C19orf81: variants seen among roughly 807,000 people sequenced by gnomAD.
C19orf81 encodes the protein putative uncharacterized protein C19orf81.
In C19orf81, 19 loss-of-function variants were observed where a neutral mutation model predicts 22.1. The observed-to-expected ratio is 0.86, with a 90% confidence interval of 0.60 to 1.26. The LOEUF is 1.26. C19orf81 is among the 50% of genes most tolerant of loss of function. C19orf81 has a pLI of 0.00. For missense variants in C19orf81, 287 were observed against 280.7 expected (o/e 1.02, Z -0.16); for synonymous variants, 108 against 113.1 (o/e 0.95, Z 0.29).
chr19:50,657,461 G>A (rs999778649), intron 3 of C19orf81, among the ~76,000 whole-genome samples: 2 of 152,138 alleles, frequency 1.3e-5, no homozygotes, highest in African/African-American at 2.4e-5. Flanking sequence ...TGCTAATCAC[G>A]TGATGCAACT....
At chr19:50,650,683 A>G (rs931409003) in intron 1 of C19orf81, among the ~76,000 whole-genome samples, 3 of 151,924 alleles carry the variant, frequency 2.0e-5, no homozygotes, top group African/African-American at 7.3e-5. Context: ...AAAACAAAAC[A>G]AACAAACAAA....
rs1160423503 is a variant in C19orf81, at chr19:50,649,569, G to C, written c.67+58G>C. On this transcript the variant is annotated intron_variant, in intron 1 of 4. Coordinates refer to ENST00000425202, the MANE Select transcript of C19orf81 (RefSeq NM_001195076.2). ...ACTTCCTCCATCCAGGCAGTGCGTA[G>C]TAGCCCGGGCTCACAGTGTGGCCTT... 7.3e-6 allele frequency: 11 copies of C among 1,513,492 alleles called. No individual in the cohort carries two copies. In the African/African-American group the frequency reaches 1.2e-4, roughly 17 times the overall value. The allele number at this position is 1,513,492 out of a possible 1,614,324, so 93.8% of individuals were successfully genotyped here.
chr19:50,650,545 C>T (rs997629075), intron 1 of C19orf81, among the ~76,000 whole-genome samples: 43 of 152,150 alleles, frequency 2.8e-4, no homozygotes, highest in African/African-American at 7.7e-4. Flanking sequence ...GTGCCGGGTG[C>T]CTGTAATCCC....
rs1487633276 is a variant in C19orf81, at chr19:50,656,134, C to G, written c.140+12C>G. ...CCCATCAAATCCTCGTGAGTTGTCC[C>G]TGGCCCCCATGACCTCTATCTTCCG... On this transcript the variant is annotated intron_variant, in intron 2 of 4. Coordinates refer to ENST00000425202, the MANE Select transcript of C19orf81 (RefSeq NM_001195076.2). 6.5e-7 allele frequency: 1 copy of G among 1,536,168 alleles called. No individual in the cohort carries two copies. Among genetic ancestry groups the G allele is most frequent in the South Asian group, 1.2e-5 (1 of 84,066 alleles).
chr19:50,656,942 ACT>A (rs530593979), intron 3 of C19orf81, among the ~76,000 whole-genome samples: 2 of 140,418 alleles, frequency 1.4e-5, no homozygotes, highest in African/African-American at 2.8e-5. Context: ...ACAAAGTGAG[ACT>A]CTGTCAAAAA....
At chr19:50,658,409 G>A in intron 4 of C19orf81, 1 of 416,696 alleles carries the variant, frequency 2.4e-6, no homozygotes, top group South Asian at 3.3e-5. Context: ...GGAGGGACTA[G>A]ATAAGAGCGA....
At chr19:50,651,708 GAA>G (rs951750864) in intron 1 of C19orf81, among the ~76,000 whole-genome samples, 1 of 131,498 alleles carries the variant, frequency 7.6e-6, no homozygotes, top group Admixed American at 7.7e-5. Flanking sequence ...GTCACCAAAG[GAA>G]AAAAAAAAAA....
chr19:50,650,804 C>T (rs185536120), intron 1 of C19orf81, among the ~76,000 whole-genome samples: 118 of 152,348 alleles, frequency 7.7e-4, no homozygotes, highest in African/African-American at 2.5e-3. Context: ...GCAAAACAGG[C>T]GTTGTTTCTC....
intron 3 of C19orf81, 132 bp downstream of exon 3, chr19:50,656,478 C>T: frequency 7.9e-7 from 1 of 1,268,216 alleles, no homozygotes; most frequent in Non-Finnish European, 1.1e-6. Context: ...GCCACCAGGA[C>T]AGTTTGCTGA....
intron 1 of C19orf81, chr19:50,649,719 C>T: frequency 1.5e-6 from 1 of 682,804 alleles, no homozygotes; most frequent in Admixed American, 2.0e-5. Context: ...GTTCCTTGGC[C>T]AATGCCCTGG....
In C19orf81 at chr19:50,653,282, G is replaced by C. The variant is rs111961447; in HGVS notation, c.68-2768G>C. 7.9e-3 allele frequency among the ~76,000 whole-genome samples: 1,199 copies of C among 152,180 alleles called. 14 individuals are homozygous for C. The highest frequency in any genetic ancestry group is 0.027 in the African/African-American group (1,139 of 41,502). ...TCGAACTCCTGAGCTCAGTCAATCT[G>C]CCCACTTTGGCATCCCAAAGTGCTG... On this transcript the variant is annotated intron_variant, in intron 1 of 4. Coordinates refer to ENST00000425202, the MANE Select transcript of C19orf81 (RefSeq NM_001195076.2).
intron 4 of C19orf81, chr19:50,658,745 C>T (rs549919545): frequency 4.5e-6 from 2 of 439,924 alleles, no homozygotes; most frequent in African/African-American, 4.1e-5. Context: ...GATTAGGACG[C>T]AGAACCAGGC....
chr19:50,656,278 C>A lies in C19orf81; in HGVS notation c.193C>A (p.Leu65Ile), dbSNP rs991076028. 1 of 1,536,192 alleles carries A rather than the reference C, an allele frequency of 6.5e-7. No individual in the cohort carries two copies. Among genetic ancestry groups the A allele is most frequent in the South Asian group, 1.2e-5 (1 of 84,062 alleles). Residue 65 changes from leucine to isoleucine, a missense_variant, in exon 3 of 5, where the codon CTC (leucine) becomes ATC (isoleucine). Transcript: ENST00000425202. The stretch of plus-strand genomic sequence containing the variant: ...AGAGTACGAGGCACTGGACCGAGAA[C>A]TCCCGTGCATCCGGAAGTTCCCCAC... ...IAEYEALDRE[L>I]PCIRKFPTPP...
At chr19:50,652,439 C>A (rs931456951) in intron 1 of C19orf81, among the ~76,000 whole-genome samples, 5 of 152,088 alleles carry the variant, frequency 3.3e-5, no homozygotes, top group African/African-American at 1.2e-4. Flanking sequence ...ACTATGAGTA[C>A]AAACATACTG....
At chr19:50,653,016 A>G (rs1025337234) in intron 1 of C19orf81, among the ~76,000 whole-genome samples, 8 of 152,142 alleles carry the variant, frequency 5.3e-5, no homozygotes, top group Non-Finnish European at 1.0e-4. Context: ...TGAGGATGCA[A>G]TGGAAAGTAT....
At chr19:50,650,638 T>C (rs1247862935) in intron 1 of C19orf81, among the ~76,000 whole-genome samples, 1 of 152,180 alleles carries the variant, frequency 6.6e-6, no homozygotes, top group Non-Finnish European at 1.5e-5. Context: ...GCCACTGCAC[T>C]CCAGCCTGGG....
Position 50,653,776 on chromosome 19 carries a change from T to C in C19orf81, c.68-2274T>C, listed in dbSNP as rs114234609. 3.7e-3 allele frequency among the ~76,000 whole-genome samples: 547 copies of C among 149,504 alleles called. 9 individuals carry two copies. The highest frequency in any genetic ancestry group is 0.013 in the African/African-American group (515 of 40,654). On this transcript the variant is annotated intron_variant, in intron 1 of 4. Coordinates refer to ENST00000425202, the MANE Select transcript of C19orf81 (RefSeq NM_001195076.2). Reference sequence around the variant, plus strand: ...GTAGAAGGGTGTTAGCAAGGACTTATTGTTAGAGCCGGGCTGTGTCAGGTG... The same window carrying C: ...GTAGAAGGGTGTTAGCAAGGACTTACTGTTAGAGCCGGGCTGTGTCAGGTG...
chr19:50,655,011 T>TC (rs1984962658), intron 1 of C19orf81, among the ~76,000 whole-genome samples: 2 of 152,070 alleles, frequency 1.3e-5, no homozygotes, highest in African/African-American at 4.8e-5. Context: ...CACATTCCAG[T>TC]CCAAGAGAAA....
chr19:50,653,168 C>T (rs1984914463), intron 1 of C19orf81, among the ~76,000 whole-genome samples: 1 of 151,996 alleles, frequency 6.6e-6, no homozygotes. Flanking sequence ...CTCCGGAGTA[C>T]CTAAGACTAC....
Sources: gnomAD v4.1 joint callset for allele counts (sites outside exome capture counted in the v4.1 genomes callset) on GRCh38, gnomAD v4.1.1 for gene constraint, MANE v1.5 for transcripts, NCBI Gene and HGNC (gene_info 2026-07-23, HGNC 2026-07-21) for gene names.